Variants in PTPRD observed in about 807,000 individuals in gnomAD.
PTPRD encodes protein tyrosine phosphatase receptor type D.
Under a neutral mutation model 214.5 loss-of-function variants are expected in PTPRD, and 34 were observed. The ratio of observed to expected loss-of-function variants is 0.16; its 90% CI spans 0.12 to 0.21. The LOEUF is 0.21. Among genes scored for constraint, PTPRD ranks in the 10% least tolerant of loss-of-function variants. The pLI, the probability that PTPRD is intolerant of heterozygous loss-of-function variation, is 1.00. For missense variants in PTPRD, 2,545 were observed against 2,398.7 expected, an observed-to-expected ratio of 1.06 and a Z score of -1.27; for synonymous variants, 1,128 against 845.7, an observed-to-expected ratio of 1.33 and a Z score of -5.79.
At position 9,359,674 on chromosome 9, in the gene PTPRD, T is replaced by A. The variant is rs959056824; in HGVS notation, c.-203+37775A>T. Among the ~76,000 whole-genome samples, 3 of 151,292 alleles carry A rather than the reference T, an allele frequency of 2.0e-5. No homozygotes were observed. In the East Asian group the frequency reaches 5.8e-4, roughly 29 times the overall value. On this transcript the variant is annotated intron_variant, in intron 9 of 45. Transcript: ENST00000381196. ...TTTCTGTGGAACTCATATACCTCATTTGAACTTGGTTCTAAGCTGATTTTC... is the reference window on the plus strand; with the variant it reads ...TTTCTGTGGAACTCATATACCTCATATGAACTTGGTTCTAAGCTGATTTTC...
intron 7 of PTPRD, among the ~76,000 whole-genome samples, chr9:9,721,992 G>C (rs2097958297): frequency 6.6e-6 from 1 of 151,984 alleles, no homozygotes; most frequent in African/African-American, 2.4e-5. Context: ...AGGTATGTGT[G>C]AGTGTTAGAG....
At chr9:10,149,122 TGCAAGTAAGGA>T (rs1307209684) in intron 3 of PTPRD, among the ~76,000 whole-genome samples, 2 of 152,182 alleles carry the variant, frequency 1.3e-5, no homozygotes. Flanking sequence ...ATGTAGAAAC[TGCAAGTAAGGA>T]GCAGTATTCA....
At chr9:9,529,046 C>A (rs1306389085) in intron 8 of PTPRD, among the ~76,000 whole-genome samples, 3 of 150,984 alleles carry the variant, frequency 2.0e-5, no homozygotes, top group Non-Finnish European at 2.9e-5. Flanking sequence ...TCAAGCTCAG[C>A]CTCAGCCTCC....
At chr9:10,216,625 A>G (rs565029034) in intron 3 of PTPRD, among the ~76,000 whole-genome samples, 1 of 151,980 alleles carries the variant, frequency 6.6e-6, no homozygotes, top group Non-Finnish European at 1.5e-5. Flanking sequence ...TTCTCCTATA[A>G]ATCCACAAAT....
At chr9:8,478,051 C>G (rs528575751) in intron 30 of PTPRD, among the ~76,000 whole-genome samples, 2 of 152,194 alleles carry the variant, frequency 1.3e-5, no homozygotes, top group Admixed American at 1.3e-4. Flanking sequence ...CCTAGTATGC[C>G]CTCTGTTCGT....
chr9:10,330,911 CTA>C (rs2096737405), intron 3 of PTPRD, among the ~76,000 whole-genome samples: 1 of 151,856 alleles, frequency 6.6e-6, no homozygotes, highest in Non-Finnish European at 1.5e-5. Flanking sequence ...TGCAGGTCAT[CTA>C]TACCATCAAT....
chr9:9,924,631 TG>T (rs1434248237), intron 5 of PTPRD, among the ~76,000 whole-genome samples: 2 of 152,094 alleles, frequency 1.3e-5, no homozygotes, highest in African/African-American at 2.4e-5. Context: ...AAAAGAAACA[TG>T]GTCCTGTGTT....
chr9:9,354,910 C>T (rs1312422331), intron 9 of PTPRD, among the ~76,000 whole-genome samples: 2 of 151,590 alleles, frequency 1.3e-5, no homozygotes, highest in Non-Finnish European at 2.9e-5. Context: ...TAGTCCATGC[C>T]TGGCATTTTC....
At chr9:9,138,984 T>C (rs921169317) in intron 10 of PTPRD, among the ~76,000 whole-genome samples, 8 of 152,166 alleles carry the variant, frequency 5.3e-5, no homozygotes, top group African/African-American at 1.9e-4. Flanking sequence ...TAAGGTATTA[T>C]ATTTACTTAT....
chr9:9,179,369 T>C (rs527392926), intron 10 of PTPRD, among the ~76,000 whole-genome samples: 1 of 152,094 alleles, frequency 6.6e-6, no homozygotes, highest in Admixed American at 6.6e-5. Flanking sequence ...AATGCAGACA[T>C]TTTAACAGTT....
intron 5 of PTPRD, among the ~76,000 whole-genome samples, chr9:9,777,933 A>T (rs2098811394): frequency 6.6e-6 from 1 of 152,206 alleles, no homozygotes; most frequent in Non-Finnish European, 1.5e-5. Flanking sequence ...TGCCATCTGA[A>T]TAGCAGAAAG....
At chr9:10,260,706 T>A (rs889395419) in intron 3 of PTPRD, among the ~76,000 whole-genome samples, 2 of 152,094 alleles carry the variant, frequency 1.3e-5, no homozygotes, top group African/African-American at 4.8e-5. Context: ...CCTCAAGTTT[T>A]TTTGACAGAG....
intron 44 of PTPRD, among the ~76,000 whole-genome samples, chr9:8,331,246 C>T (rs560125412): frequency 1.3e-5 from 2 of 151,892 alleles, no homozygotes; most frequent in African/African-American, 2.4e-5. Context: ...CAGTGCATTG[C>T]TATGAAAGCA....
At chr9:8,937,288 A>G (rs2099004246) in intron 11 of PTPRD, among the ~76,000 whole-genome samples, 1 of 152,228 alleles carries the variant, frequency 6.6e-6, no homozygotes, top group Non-Finnish European at 1.5e-5. Context: ...TGGGATTTAC[A>G]GTTAGTCACA....
intron 2 of PTPRD, among the ~76,000 whole-genome samples, chr9:10,560,520 G>C (rs1225882540): frequency 6.6e-6 from 1 of 152,000 alleles, no homozygotes. Flanking sequence ...TAACTAACCT[G>C]CACATTGTGC....
chr9:10,269,509 C>A (rs2094298910), intron 3 of PTPRD, among the ~76,000 whole-genome samples: 1 of 151,958 alleles, frequency 6.6e-6, no homozygotes, highest in Non-Finnish European at 1.5e-5. Context: ...GGAAAGAAAA[C>A]CCTTTGATTT....
At chr9:10,313,816 C>G (rs1288036703) in intron 3 of PTPRD, among the ~76,000 whole-genome samples, 2 of 151,876 alleles carry the variant, frequency 1.3e-5, no homozygotes, top group African/African-American at 4.8e-5. Flanking sequence ...TCCATAATAC[C>G]TTTCCCTTAC....
At chr9:8,337,011 T>C (rs1847608795) in intron 43 of PTPRD, among the ~76,000 whole-genome samples, 2 of 152,176 alleles carry the variant, frequency 1.3e-5, no homozygotes, top group African/African-American at 4.8e-5. Context: ...GTGTGTAAAT[T>C]AGTTAAACCA....
At chr9:9,188,085 G>A (rs915769367) in intron 9 of PTPRD, among the ~76,000 whole-genome samples, 1 of 151,880 alleles carries the variant, frequency 6.6e-6, no homozygotes, top group Non-Finnish European at 1.5e-5. Context: ...CTCACCAAAG[G>A]TAAACAAACA....
Sources: allele counts gnomAD v4.1 joint callset (sites outside exome capture counted in the v4.1 genomes callset), GRCh38; gene constraint gnomAD v4.1.1; transcripts MANE v1.5; gene names NCBI Gene and HGNC (gene_info 2026-07-23, HGNC 2026-07-21).